COL6A6: variants seen among roughly 807,000 people sequenced by gnomAD.
COL6A6 encodes collagen type VI alpha 6 chain, also known as collagen alpha-6(VI) chain.
In COL6A6, 183 loss-of-function variants were observed where a neutral mutation model predicts 208.6. The observed-to-expected ratio is 0.88, with a 90% CI of 0.78 to 0.99. The LOEUF (loss-of-function observed/expected upper bound fraction) is 0.99, where lower values mean the gene tolerates loss of function less well. Among genes scored for constraint, COL6A6 ranks in the 50% least tolerant of loss-of-function variants. The pLI, the probability that COL6A6 is intolerant of heterozygous loss-of-function variation, is 0.00. For missense variants in COL6A6, 2,816 were observed against 2,815.2 expected, an observed-to-expected ratio of 1.00 and a Z score of -0.01; for synonymous variants, 973 against 1,011.8, an observed-to-expected ratio of 0.96 and a Z score of 0.73.
chr3:130,549,575 C>G (rs977532872), intron 1 of COL6A6, among the ~76,000 whole-genome samples: 1 of 151,540 alleles, frequency 6.6e-6, no homozygotes, highest in African/African-American at 2.4e-5. Context: ...TTTTGTATAT[C>G]GTGTAAGGAA....
At chr3:130,616,252 C>T (rs2064517562) in intron 23 of COL6A6, among the ~76,000 whole-genome samples, 1 of 152,078 alleles carries the variant, frequency 6.6e-6, no homozygotes, top group East Asian at 1.9e-4. Flanking sequence ...GGACCAGCCA[C>T]TGGAATAGAA....
At chr3:130,622,203 A>ACC (rs767379161) in intron 24 of COL6A6, among the ~76,000 whole-genome samples, 1,023 of 54,288 alleles carry the variant, frequency 0.019, 9 homozygotes, top group African/African-American at 0.051. Context: ...CCCCCCGCCT[A>ACC]CCCCCCCCTT....
intron 12 of COL6A6, 149 bp downstream of exon 12, chr3:130,589,331 A>C: frequency 1.8e-6 from 1 of 563,172 alleles, no homozygotes; most frequent in East Asian, 3.0e-5. Flanking sequence ...ATGTTAAGTT[A>C]GTCATGGATT....
At chr3:130,594,381 T>C (rs2063794975) in intron 18 of COL6A6, 38 bp downstream of exon 18, 1 of 1,524,672 alleles carries the variant, frequency 6.6e-7, no homozygotes, top group Non-Finnish European at 9.0e-7. Context: ...TAGGGCTTGA[T>C]TCCCATCCGT....
intron 12 of COL6A6, chr3:130,589,953 AT>A: frequency 2.2e-6 from 1 of 445,452 alleles, no homozygotes; most frequent in South Asian, 1.6e-5. Context: ...TTTTGGACTA[AT>A]TATTTCCTGA....
rs1358234499 is a variant in COL6A6, at chr3:130,675,262, C to G, written c.6657C>G (p.Phe2219Leu). Residue 2219 changes from phenylalanine to leucine, a missense_variant, in exon 37 of 37, where the codon TTC (phenylalanine) becomes TTG (leucine). Physicochemically the swap from Phe to Leu is conservative, Grantham distance 22 (BLOSUM62 0). Coordinates refer to ENST00000358511, the MANE Select transcript of COL6A6 (RefSeq NM_001102608.3). ...AAGATGTATTACAGAAGGCAAAATT[C>G]TTTCAAGATAAAAAATATCTTTCAA... ...LKEDVLQKAK[F>L]FQDKKYLSRV... 1.3e-6 allele frequency: 2 copies of G among 1,586,204 alleles called. No homozygotes were observed. Among genetic ancestry groups the G allele is most frequent in the Admixed American group, 3.6e-5 (2 of 55,750 alleles).
intron 18 of COL6A6, among the ~76,000 whole-genome samples, chr3:130,594,992 T>C (rs1470893475): frequency 6.6e-6 from 1 of 152,156 alleles, no homozygotes; most frequent in Non-Finnish European, 1.5e-5. Context: ...TATGTGGGAT[T>C]ATTACAATTC....
At position 130,568,088 on chromosome 3, in the gene COL6A6, A is replaced by G. The variant is rs1257355972; in HGVS notation, c.1885A>G (p.Ser629Gly). 6.2e-7 allele frequency: 1 copy of G among 1,613,376 alleles called. No homozygotes were observed. Among genetic ancestry groups the G allele is most frequent in the Non-Finnish European group, 8.5e-7 (1 of 1,179,708 alleles). ...MKADIMFLVD[S>G]SGSIGPENFS... The stretch of plus-strand genomic sequence containing the variant: ...AGCTGACATCATGTTTCTGGTGGAC[A>G]GTTCTGGAAGTATAGGACCTGAAAA... The change falls in exon 6 of 37, where the codon AGT (serine) becomes GGT (glycine). Residue 629 changes from serine to glycine, a missense_variant. Coordinates refer to ENST00000358511, the MANE Select transcript of COL6A6 (RefSeq NM_001102608.3).
At chr3:130,663,680 T>G (rs2065995528) in intron 35 of COL6A6, among the ~76,000 whole-genome samples, 1 of 152,176 alleles carries the variant, frequency 6.6e-6, no homozygotes, top group Non-Finnish European at 1.5e-5. Flanking sequence ...TAGTGTTTCA[T>G]GGGTTATTAG....
At chr3:130,646,733 G>C (rs1315071229) in intron 32 of COL6A6, among the ~76,000 whole-genome samples, 1 of 152,200 alleles carries the variant, frequency 6.6e-6, no homozygotes, top group Non-Finnish European at 1.5e-5. Flanking sequence ...TAAAAACATG[G>C]GGAATAGGCA....
At chr3:130,539,211 C>A (rs1015806955) in intron 1 of COL6A6, among the ~76,000 whole-genome samples, 8 of 152,170 alleles carry the variant, frequency 5.3e-5, no homozygotes, top group Non-Finnish European at 1.2e-4. Flanking sequence ...GAAAATATAG[C>A]CCCCTGCTGG....
At chr3:130,673,221 A>AAAAAAAAACCC (rs59818869) in intron 36 of COL6A6, among the ~76,000 whole-genome samples, 26,072 of 116,734 alleles carry the variant, frequency 0.22, 2,668 homozygotes, top group African/African-American at 0.35. Flanking sequence ...AAAAAACAAA[A>AAAAAAAAACCC]AAAAAAAACA....
intron 8 of COL6A6, 67 bp from the exon 9 acceptor site, chr3:130,581,494 C>T: frequency 8.8e-7 from 1 of 1,138,266 alleles, no homozygotes; most frequent in Non-Finnish European, 1.3e-6. Flanking sequence ...TTGATTCAGA[C>T]ATGGTGTCTG....
At chr3:130,554,555 A>G (rs1261122401) in intron 1 of COL6A6, among the ~76,000 whole-genome samples, 1 of 152,168 alleles carries the variant, frequency 6.6e-6, no homozygotes, top group Non-Finnish European at 1.5e-5. Context: ...GTGTGTGTTC[A>G]TGCAGATGGC....
At chr3:130,670,815 G>A (rs1275062334) in intron 36 of COL6A6, among the ~76,000 whole-genome samples, 1 of 152,252 alleles carries the variant, frequency 6.6e-6, no homozygotes, top group Non-Finnish European at 1.5e-5. Flanking sequence ...GGACAGCTTT[G>A]AATGTGGCCC....
intron 12 of COL6A6, chr3:130,589,878 A>T: frequency 3.2e-6 from 1 of 309,140 alleles, no homozygotes; most frequent in South Asian, 3.0e-5. Context: ...TTTTTGAATA[A>T]TTTATAGATA....
At chr3:130,525,186 T>A (rs547359252) in intron 1 of COL6A6, among the ~76,000 whole-genome samples, 11 of 150,734 alleles carry the variant, frequency 7.3e-5, no homozygotes, top group Non-Finnish European at 1.5e-4. Context: ...GATACTGCTA[T>A]CTGTATATTC....
rs137910913 is a variant in COL6A6 at position 130,588,469 on chromosome 3, A to G, written c.4126-621A>G. Among the ~76,000 whole-genome samples, 58 of 152,334 alleles carry G rather than the reference A, an allele frequency of 3.8e-4. 1 individual carries two copies. The East Asian group carries it at 9.6e-3, about 25-fold the overall frequency. On this transcript the variant is annotated intron_variant, in intron 11 of 36. Coordinates refer to ENST00000358511, the MANE Select transcript of COL6A6 (RefSeq NM_001102608.3). ...TAATGTTTTAAAATATATGATATAG[A>G]TGTTTTTACCAGAGTATAAAGAGTA... is the stretch of plus-strand genomic sequence containing the variant.
At chr3:130,576,907 A>G (rs1021009119) in intron 8 of COL6A6, among the ~76,000 whole-genome samples, 3 of 152,206 alleles carry the variant, frequency 2.0e-5, no homozygotes, top group Non-Finnish European at 4.4e-5. Context: ...TAAGGCCTGA[A>G]CACTTGCTGT....
Sources: gnomAD v4.1 joint callset for allele counts (sites outside exome capture counted in the v4.1 genomes callset) on GRCh38, gnomAD v4.1.1 for gene constraint, MANE v1.5 for transcripts, NCBI Gene and HGNC (gene_info 2026-07-23, HGNC 2026-07-21) for gene names.